The following CDH4 variants were observed in gnomAD, a reference collection of about 807,000 sequenced individuals.
CDH4 encodes cadherin 4, also known as cadherin-4.
CDH4 carries 33 observed loss-of-function variants against 86.0 expected under a neutral mutation model. That is an observed-to-expected ratio of 0.38 (90% confidence interval 0.29 to 0.51). CDH4 has a LOEUF of 0.51. Ranked by LOEUF, CDH4 falls within the 20% of genes least tolerant of loss-of-function variation. The pLI, the probability that CDH4 is intolerant of heterozygous loss-of-function variation, is 0.86. For missense variants in CDH4, 1,114 were observed against 1,307.4 expected (o/e 0.85, Z 2.28); for synonymous variants, 555 against 549.4 (o/e 1.01, Z -0.14).
rs778853336 is a variant in CDH4, at chr20:61,844,774, G to A, written c.683G>A (p.Arg228Gln). The stretch of plus-strand genomic sequence containing the variant: ...TTCAGCATTGACTCCATGTCCGGCC[G>A]GATGTACGTCACAAGGCCCATGGAC... ...EVFSIDSMSG[R>Q]MYVTRPMDRE... Residue 228 changes from arginine (R) to glutamine (Q), a missense_variant, in exon 5 of 16, where the codon CGG becomes CAG. Around this residue, in one of 3 missense-constraint regions of CDH4, gnomAD observed 705 missense variants for 914.1 expected, o/e 0.77. Coordinates refer to ENST00000614565, the MANE Select transcript of CDH4 (RefSeq NM_001794.5). 8.1e-6 allele frequency: 13 copies of A among 1,613,930 alleles called. No homozygotes were observed. Among genetic ancestry groups the A allele is most frequent in the South Asian group, 2.2e-5 (2 of 91,022 alleles).
At chr20:61,737,007 C>T (rs1239991098) in intron 2 of CDH4, among the ~76,000 whole-genome samples, 1 of 152,156 alleles carries the variant, frequency 6.6e-6, no homozygotes, top group East Asian at 1.9e-4. Flanking sequence ...GGTGCAGGGG[C>T]TCGCCCTGGG....
In CDH4 at chr20:61,676,296, G is replaced by C. The variant is rs945545543; in HGVS notation, c.170-67267G>C. Among the ~76,000 whole-genome samples the C allele has an allele frequency of 1.3e-5, 2 of 152,218 alleles. No individual in the cohort carries two copies. Among genetic ancestry groups the C allele is most frequent in the Non-Finnish European group, 2.9e-5 (2 of 68,042 alleles). On this transcript the variant is annotated intron_variant, in intron 2 of 15. Transcript: ENST00000614565. The surrounding 1 kb of genome is among the most constrained non-coding windows in gnomAD (Gnocchi z 4.5). ...ACAAAGACAATCTTTATAAAACTCA[G>C]GTTAGGAAATGAATAGTGCGATTGA... is the stretch of plus-strand genomic sequence containing the variant.
intron 2 of CDH4, among the ~76,000 whole-genome samples, chr20:61,727,230 T>A (rs1358287366): frequency 6.7e-6 from 1 of 148,812 alleles, no homozygotes; most frequent in African/African-American, 2.5e-5. Context: ...TCATCACCAT[T>A]GAAGCCATCA....
chr20:61,575,707 A>C (rs185052208), intron 2 of CDH4, among the ~76,000 whole-genome samples: 54 of 151,302 alleles, frequency 3.6e-4, no homozygotes, highest in African/African-American at 1.2e-3. Flanking sequence ...CTGTGACAGC[A>C]GAGTTGAGTA....
chr20:61,254,700 A>T, intron 1 of CDH4, 126 bp from the exon 2 acceptor site: 1 of 703,566 alleles, frequency 1.4e-6, no homozygotes, highest in Non-Finnish European at 2.6e-6. Flanking sequence ...GTCTGGGTGG[A>T]GACGGTGGCC....
chr20:61,852,628 C>G (rs1484453221), intron 5 of CDH4, 126 bp from the exon 6 acceptor site: 1 of 903,568 alleles, frequency 1.1e-6, no homozygotes, highest in African/African-American at 1.7e-5. Context: ...TCCAAAGCCC[C>G]CCGGCCCCTA....
At chr20:61,796,301 G>A (rs1019350974) in intron 4 of CDH4, among the ~76,000 whole-genome samples, 6 of 152,012 alleles carry the variant, frequency 3.9e-5, no homozygotes, top group Non-Finnish European at 7.4e-5. Flanking sequence ...CTGCATCCAG[G>A]GCACATGACA....
intron 3 of CDH4, among the ~76,000 whole-genome samples, chr20:61,746,294 A>G (rs1056092199): frequency 2.2e-4 from 34 of 152,178 alleles, no homozygotes; most frequent in Admixed American, 7.2e-4. Flanking sequence ...TCCCTGAGAC[A>G]TGACTGTTGC....
chr20:61,362,228 C>A (rs1371301646), intron 2 of CDH4, among the ~76,000 whole-genome samples: 1 of 151,962 alleles, frequency 6.6e-6, no homozygotes, highest in Non-Finnish European at 1.5e-5. Context: ...GATGTGCTTG[C>A]TGCATTTGGC....
chr20:61,467,480 G>T (rs529890790), intron 2 of CDH4, among the ~76,000 whole-genome samples: 71 of 152,260 alleles, frequency 4.7e-4, no homozygotes, highest in African/African-American at 1.6e-3. Flanking sequence ...CAGTACAATA[G>T]GCATGGTGGC....
intron 2 of CDH4, among the ~76,000 whole-genome samples, chr20:61,565,293 T>TA (rs1482626415): frequency 3.1e-5 from 2 of 64,950 alleles, no homozygotes; most frequent in Non-Finnish European, 6.3e-5. Flanking sequence ...GGGGTGATGG[T>TA]GGTGGCGGTG....
At chr20:61,585,629 CGGTGATGGTGATGATGAT>C (rs1453582987) in intron 2 of CDH4, among the ~76,000 whole-genome samples, 1 of 151,978 alleles carries the variant, frequency 6.6e-6, no homozygotes, top group African/African-American at 2.4e-5. Flanking sequence ...ATGGTCATGA[CGGTGATGGTGATGATGAT>C]GGTGATGGTG....
At chr20:61,537,926 T>C (rs1367499532) in intron 2 of CDH4, among the ~76,000 whole-genome samples, 1 of 152,188 alleles carries the variant, frequency 6.6e-6, no homozygotes, top group African/African-American at 2.4e-5. Flanking sequence ...CCGCAGTGTC[T>C]GCATCCCTGG....
intron 2 of CDH4, among the ~76,000 whole-genome samples, chr20:61,673,818 G>A (rs1415573281): frequency 6.6e-6 from 1 of 152,186 alleles, no homozygotes; most frequent in East Asian, 1.9e-4. Context: ...TGCTAAGGGG[G>A]AAATAAAAAT....
chr20:61,356,601 C>A (rs2084751855), intron 2 of CDH4, among the ~76,000 whole-genome samples: 1 of 152,200 alleles, frequency 6.6e-6, no homozygotes, highest in Non-Finnish European at 1.5e-5. Flanking sequence ...CAGAATTTGA[C>A]TGACAGTGCA....
At chr20:61,707,105 G>A (rs1457165805) in intron 2 of CDH4, among the ~76,000 whole-genome samples, 2 of 152,246 alleles carry the variant, frequency 1.3e-5, no homozygotes, top group Non-Finnish European at 2.9e-5. Flanking sequence ...CCCTTACACA[G>A]GCATGAGCTG....
At chr20:61,291,048 T>TC (rs2084317843) in intron 2 of CDH4, among the ~76,000 whole-genome samples, 1 of 152,122 alleles carries the variant, frequency 6.6e-6, no homozygotes. Context: ...CATCTGTGTG[T>TC]CCCCCAACCC....
intron 6 of CDH4, among the ~76,000 whole-genome samples, chr20:61,863,536 G>A (rs144670004): frequency 3.9e-5 from 6 of 152,278 alleles, no homozygotes; most frequent in African/African-American, 1.4e-4. Context: ...TTTCCTGCAG[G>A]GAGCCCAGTT....
At chr20:61,907,323 C>T (rs943661638) in intron 8 of CDH4, among the ~76,000 whole-genome samples, 1 of 152,136 alleles carries the variant, frequency 6.6e-6, no homozygotes, top group South Asian at 2.1e-4. Flanking sequence ...TTGAATGTCC[C>T]CCTGCAGTGG....
Sources: gnomAD v4.1 joint callset for allele counts (sites outside exome capture counted in the v4.1 genomes callset) on GRCh38, gnomAD v4.1.1 for gene constraint, gnomAD v4.1.1 regional missense constraint, Gnocchi (gnomAD v3.1) non-coding constraint, MANE v1.5 for transcripts, NCBI Gene and HGNC (gene_info 2026-07-23, HGNC 2026-07-21) for gene names.